PLCB2: variants seen among roughly 807,000 people sequenced by gnomAD.
PLCB2 encodes phospholipase C beta 2, also known as 1-phosphatidylinositol 4,5-bisphosphate phosphodiesterase beta-2.
In PLCB2, 115 loss-of-function variants were observed where a neutral mutation model predicts 141.7. That is an observed-to-expected ratio of 0.81 (90% CI 0.70 to 0.95). The LOEUF is 0.95. Ranked by LOEUF, PLCB2 falls within the 40% of genes least tolerant of loss-of-function variation. The pLI is 0.00. For missense variants in PLCB2, 1,403 were observed against 1,541.1 expected (o/e 0.91, Z 1.50); for synonymous variants, 603 against 595.6 (o/e 1.01, Z -0.18).
Position 40,293,693 on chromosome 15 carries a change from C to A in PLCB2, c.2093G>T (p.Ser698Ile). The change falls in exon 20 of 32, where the codon AGC becomes ATC. Residue 698 changes from serine to isoleucine, a missense_variant. Ser to Ile is a moderately radical substitution (Grantham distance 142, BLOSUM62 -2). Coordinates refer to ENST00000260402, the MANE Select transcript of PLCB2 (RefSeq NM_004573.3). ...CTCCACTTCTACATAGGTGCGCACG[C>A]TGCGTTCTGACAGGAACTGCCCAGA... ...VISGQFLSER[S>I]VRTYVEVELF... is the part of the protein sequence containing the mutation. The A allele has an allele frequency of 1.2e-6, 2 of 1,613,930 alleles. No individual in the cohort carries two copies. Among genetic ancestry groups the A allele is most frequent in the Non-Finnish European group, 1.7e-6 (2 of 1,179,878 alleles).
chr15:40,286,014 G>C, downstream of PLCB2: 2 of 985,642 alleles, frequency 2.0e-6, no homozygotes, highest in East Asian at 1.1e-4. Flanking sequence ...GAAGGGGGTG[G>C]TGGTGCCAGG....
Position 40,297,955 on chromosome 15 carries a change from G to C in PLCB2, c.1160C>G (p.Ala387Gly). The change falls in exon 12 of 32, where the codon GCA (alanine) becomes GGA (glycine). Residue 387 changes from alanine (A) to glycine (G), a missense_variant. Coordinates refer to ENST00000260402, the MANE Select transcript of PLCB2 (RefSeq NM_004573.3). This position sits in a 1 kb window ranked among gnomAD's most constrained non-coding sequence, Gnocchi z 4.2. The stretch of plus-strand genomic sequence containing the variant: ...GGCGCTTTCTGCAATAGCCTCAATT[G>C]CTTCCTGGAGGAGAAGGAGACTCCA... ...TMTTDIFFKEAIEAIAESAFK... is the reference protein window; with the variant it reads ...TMTTDIFFKEGIEAIAESAFK... 2 of 1,605,974 alleles carry C rather than the reference G, an allele frequency of 1.2e-6. No homozygotes were observed. Among genetic ancestry groups the C allele is most frequent in the Non-Finnish European group, 1.7e-6 (2 of 1,172,824 alleles).
chr15:40,302,663 T>G (rs1288771850), intron 3 of PLCB2, 54 bp from the exon 4 acceptor site: 1 of 1,596,552 alleles, frequency 6.3e-7, no homozygotes, highest in East Asian at 2.2e-5. Flanking sequence ...CCCTGCCCAG[T>G]GTGGCTCTCT....
In PLCB2 at chr15:40,288,756, G is replaced by C. The variant is rs1440773273; in HGVS notation, c.3517C>G (p.Pro1173Ala). 6.8e-6 allele frequency: 11 copies of C among 1,609,002 alleles called. No individual in the cohort carries two copies. The highest frequency in any genetic ancestry group is 9.4e-6 in the Non-Finnish European group (11 of 1,175,826). The part of the protein sequence containing the change: ...ECPPELCEQD[P>A]LIAKADAQES... ...TGGGCATCTGCCTTTGCTATGAGTG[G>C]GTCCTGCTCACACAGCTCTGGGGGG... is the stretch of plus-strand genomic sequence containing the variant. The change falls in exon 32 of 32, where the codon CCA (proline) becomes GCA (alanine). Residue 1173 changes from proline to alanine, a missense_variant. By Grantham distance (27) the Pro-to-Ala change is conservative (BLOSUM62 -1). This residue lies in a region of PLCB2 where 132 missense variants were observed against 132.4 expected (regional missense o/e 1.00). Coordinates refer to ENST00000260402, the MANE Select transcript of PLCB2 (RefSeq NM_004573.3).
At position 40,303,287 on chromosome 15, in the gene PLCB2, C is replaced by T. The variant is rs571828655; in HGVS notation, c.231+1G>A. The T allele has an allele frequency of 1.2e-6, 2 of 1,610,940 alleles. No individual in the cohort carries two copies. The highest frequency in any genetic ancestry group is 1.7e-4 in the Middle Eastern group (1 of 6,058). On this transcript the variant is annotated splice_donor_variant, in intron 3 of 31. Coordinates refer to ENST00000260402, the MANE Select transcript of PLCB2 (RefSeq NM_004573.3). LOFTEE classifies it high-confidence loss of function. ...CCTGGGCTGCTACTGGACACACCTACCTTGGGCATCTTGGCAAACTTCCCA... is the reference window on the plus strand; with the variant it reads ...CCTGGGCTGCTACTGGACACACCTATCTTGGGCATCTTGGCAAACTTCCCA...
Position 40,297,835 on chromosome 15 carries a change from G to T in PLCB2, c.1238+42C>A. Reference sequence around the variant, plus strand: ...GAGGACAGTTGCAGACAGGAGACTGGGGGCTGGGTGAGAATGTGGCTGAAT... The same window carrying T: ...GAGGACAGTTGCAGACAGGAGACTGTGGGCTGGGTGAGAATGTGGCTGAAT... On this transcript the variant is annotated intron_variant, in intron 12 of 31. Transcript: ENST00000260402. The surrounding 1 kb of genome is among the most constrained non-coding windows in gnomAD (Gnocchi z 4.2). 6.7e-7 allele frequency: 1 copy of T among 1,489,778 alleles called. No homozygotes were observed. The highest frequency in any genetic ancestry group is 9.4e-7 in the Non-Finnish European group (1 of 1,068,282). 92.3% of individuals were successfully genotyped at this position (1,489,778 alleles called of 1,614,324 possible).
Position 40,288,422 on chromosome 15 carries a change from C to A in PLCB2, c.*293G>T. The A allele has an allele frequency of 8.7e-7, 1 of 1,146,268 alleles. No individual in the cohort carries two copies. Among genetic ancestry groups the A allele is most frequent in the Non-Finnish European group, 1.1e-6 (1 of 932,302 alleles). The allele number at this position is 1,146,268 out of a possible 1,614,324, so 71.0% of individuals were successfully genotyped here. A position where few individuals can be genotyped will look rare whatever the true frequency, so the allele number is the denominator to read the frequency against. On this transcript the variant is annotated 3_prime_UTR_variant, in exon 32 of 32. Coordinates refer to ENST00000260402, the MANE Select transcript of PLCB2 (RefSeq NM_004573.3). ...GGCCAGGATCCCACTTTCTGCCTTC[C>A]AGTCCATAGTCTTTTGCCCTCAACA... is the stretch of plus-strand genomic sequence containing the variant.
At chr15:40,302,443 C>T (rs942306800) in intron 4 of PLCB2, 26 bp downstream of exon 4, 1 of 1,613,566 alleles carries the variant, frequency 6.2e-7, no homozygotes, top group South Asian at 1.1e-5. Context: ...GGGGCCCAGA[C>T]CCAGGCCCAG....
intron 7 of PLCB2, chr15:40,301,543 C>T (rs1282363443): frequency 1.4e-5 from 10 of 702,884 alleles, no homozygotes; most frequent in Non-Finnish European, 2.6e-5. Context: ...TCCCTCGACA[C>T]GCTGCAGACT....
In PLCB2 at chr15:40,298,602, A is replaced by G; in HGVS notation, c.957T>C (p.Asn319=). The G allele has an allele frequency of 6.2e-7, 1 of 1,614,232 alleles. No individual in the cohort carries two copies. Among genetic ancestry groups the G allele is most frequent in the Non-Finnish European group, 8.5e-7 (1 of 1,180,038 alleles). ...TGTGGGACGAGTTGATGAAGTAATG[A>G]TTGAGTGGCTGCGTCATGTCGTGGT... The part of the protein sequence containing the change: ...LLHHDMTQPL[N]HYFINSSHNT... Residue 319 remains asparagine, a synonymous_variant, in exon 10 of 32, where the codon AAT becomes AAC. Coordinates refer to ENST00000260402, the MANE Select transcript of PLCB2 (RefSeq NM_004573.3).
Position 40,297,780 on chromosome 15 carries a change from G to T in PLCB2, c.1238+97C>A. 2 of 1,035,490 alleles carry T rather than the reference G, an allele frequency of 1.9e-6. No homozygotes were observed. Among genetic ancestry groups the T allele is most frequent in the Non-Finnish European group, 3.0e-6 (2 of 666,600 alleles). The allele number at this position is 1,035,490 out of a possible 1,614,324, so 64.1% of individuals were successfully genotyped here. On this transcript the variant is annotated intron_variant, in intron 12 of 31. Transcript: ENST00000260402. The surrounding 1 kb of genome is among the most constrained non-coding windows in gnomAD (Gnocchi z 4.2). Reference sequence around the variant, plus strand: ...TACTGAGACGTGGGAGAAGCTGTAGGCAATGGTTAGAGGCTGGGGCAGTTG... The same window carrying T: ...TACTGAGACGTGGGAGAAGCTGTAGTCAATGGTTAGAGGCTGGGGCAGTTG...
downstream of PLCB2, chr15:40,284,275 C>T: frequency 3.0e-6 from 1 of 336,244 alleles, no homozygotes; most frequent in South Asian, 2.3e-5. Context: ...GCAGAATTTA[C>T]TGAGACTTTT....
Position 40,298,614 on chromosome 15 carries a change from C to A in PLCB2, c.945G>T (p.Thr315=). 6.2e-7 allele frequency: 1 copy of A among 1,614,218 alleles called. No homozygotes were observed. Among genetic ancestry groups the A allele is most frequent in the Non-Finnish European group, 8.5e-7 (1 of 1,180,028 alleles). ...QDKLLLHHDM[T]QPLNHYFINS... Reference sequence around the variant, plus strand: ...TGATGAAGTAATGATTGAGTGGCTGCGTCATGTCGTGGTGGAGCAGCAGCT... The same window carrying A: ...TGATGAAGTAATGATTGAGTGGCTGAGTCATGTCGTGGTGGAGCAGCAGCT... The change falls in exon 10 of 32, where the codon ACG becomes ACT. Residue 315 remains threonine (T), a synonymous_variant. Transcript: ENST00000260402.
intron 16 of PLCB2, 125 bp downstream of exon 16, chr15:40,296,171 C>T (rs2040200877): frequency 8.7e-6 from 6 of 693,260 alleles, no homozygotes; most frequent in Non-Finnish European, 1.5e-5. Flanking sequence ...CTGGGAGCCA[C>T]TGCCACTTAA....
chr15:40,297,912 A>C lies in PLCB2; in HGVS notation c.1203T>G (p.Tyr401Ter). Residue 401 changes from tyrosine (Y) to a stop codon, truncating the protein, a stop_gained, in exon 12 of 32, where the codon TAT (tyrosine) becomes TAG (stop). Coordinates refer to ENST00000260402, the MANE Select transcript of PLCB2 (RefSeq NM_004573.3). LOFTEE classifies it high-confidence loss of function. The surrounding 1 kb of genome is among the most constrained non-coding windows in gnomAD (Gnocchi z 4.2). ...IAESAFKTSPYPIILSFENHV... is the reference protein window; with the variant it reads ...IAESAFKTSP ...GGTTCTCAAACGACAGGATGATGGGATAGGGGGAGGTCTTAAAGGCGCTTT... is the reference window on the plus strand; with the variant it reads ...GGTTCTCAAACGACAGGATGATGGGCTAGGGGGAGGTCTTAAAGGCGCTTT... 1 of 1,613,746 alleles carries C rather than the reference A, an allele frequency of 6.2e-7. No individual in the cohort carries two copies. Among genetic ancestry groups the C allele is most frequent in the South Asian group, 1.1e-5 (1 of 91,068 alleles).
Position 40,302,138 on chromosome 15 carries a change from C to A in PLCB2, c.504G>T (p.Lys168Asn), listed in dbSNP as rs1434658095. The change falls in exon 6 of 32, where the codon AAG becomes AAT. Residue 168 changes from lysine (K) to asparagine (N), a missense_variant and splice_region_variant. By Grantham distance (94) the Lys-to-Asn change is moderately conservative. Transcript: ENST00000260402. ...QLNSEGKIPV[K>N]NFFQMFPADR... ...TGGGGAGGGGTTGGGGGGCTCACTT[C>A]TTCACCGGAATCTTCCCTTCAGAGT... The A allele has an allele frequency of 3.1e-6, 5 of 1,611,200 alleles. No individual in the cohort carries two copies. In the African/African-American group the frequency reaches 4.0e-5, roughly 13 times the overall value.
In PLCB2 at chr15:40,297,626, G is replaced by C. The variant is rs563547202; in HGVS notation, c.1239-21C>G. The C allele has an allele frequency of 6.2e-7, 1 of 1,600,688 alleles. No individual in the cohort carries two copies. Among genetic ancestry groups the C allele is most frequent in the Non-Finnish European group, 8.6e-7 (1 of 1,168,058 alleles). ...GGGGTCTGCGGGGAGCAAAAGCGGGGATGGGGTTCAGCCGCTCAGCACCAA... is the reference window on the plus strand; with the variant it reads ...GGGGTCTGCGGGGAGCAAAAGCGGGCATGGGGTTCAGCCGCTCAGCACCAA... On this transcript the variant is annotated intron_variant, in intron 12 of 31. Transcript: ENST00000260402. This position sits in a 1 kb window ranked among gnomAD's most constrained non-coding sequence, Gnocchi z 4.2.
chr15:40,295,327 G>T, intron 16 of PLCB2, 42 bp from the exon 17 acceptor site: 1 of 1,368,814 alleles, frequency 7.3e-7, no homozygotes, highest in Non-Finnish European at 1.0e-6. Context: ...TTATCAGGCT[G>T]TCCCCTCCCT....
intron 1 of PLCB2, among the ~76,000 whole-genome samples, chr15:40,304,727 G>T (rs1239041433): frequency 1.3e-5 from 2 of 152,172 alleles, no homozygotes; most frequent in Non-Finnish European, 2.9e-5. Context: ...GCCTGTGCTA[G>T]ACCTTGAGCT....
Sources: gnomAD v4.1 joint callset for allele counts (sites outside exome capture counted in the v4.1 genomes callset) on GRCh38, gnomAD v4.1.1 for gene constraint, gnomAD v4.1.1 regional missense constraint, Gnocchi (gnomAD v3.1) non-coding constraint, MANE v1.5 for transcripts, NCBI Gene and HGNC (gene_info 2026-07-23, HGNC 2026-07-21) for gene names.